NRP1: variants seen among roughly 807,000 people sequenced by gnomAD.
NRP1 encodes neuropilin-1.
NRP1 carries 35 observed loss-of-function variants against 106.7 expected under a neutral mutation model. That is an observed-to-expected ratio of 0.33 (90% CI 0.25 to 0.43). The LOEUF is 0.43. NRP1 is among the 20% of genes least tolerant of loss of function. NRP1 has a pLI of 1.00. For synonymous variants in NRP1, 437 were observed against 417.9 expected, an observed-to-expected ratio of 1.05 and a Z score of -0.56; for missense variants, 1,024 against 1,170.4, an observed-to-expected ratio of 0.87 and a Z score of 1.83.
At chr10:33,246,403 C>T (rs1841427678) in intron 6 of NRP1, among the ~76,000 whole-genome samples, 2 of 152,158 alleles carry the variant, frequency 1.3e-5, no homozygotes, top group Admixed American at 1.3e-4. Flanking sequence ...TCATAGGTAA[C>T]AGACCTCTGC....
At chr10:33,194,619 T>C (rs1836645861) in intron 12 of NRP1, 4 of 447,338 alleles carry the variant, frequency 8.9e-6, no homozygotes, top group Non-Finnish European at 1.9e-5. Flanking sequence ...TTTAACCAGG[T>C]GAACCGCTCT....
intron 2 of NRP1, among the ~76,000 whole-genome samples, chr10:33,275,313 A>T (rs1193047420): frequency 1.3e-5 from 2 of 152,266 alleles, no homozygotes; most frequent in Non-Finnish European, 1.5e-5. Flanking sequence ...TCATGCCTGT[A>T]ATCCCAGCAC....
At chr10:33,301,800 G>A (rs755210925) in intron 2 of NRP1, among the ~76,000 whole-genome samples, 4 of 152,126 alleles carry the variant, frequency 2.6e-5, no homozygotes, top group South Asian at 4.1e-4. Flanking sequence ...CTTTTTGAGC[G>A]ATTCGTTTTT....
At chr10:33,320,177 G>C (rs1463032824) in intron 2 of NRP1, among the ~76,000 whole-genome samples, 2 of 152,006 alleles carry the variant, frequency 1.3e-5, no homozygotes, top group Non-Finnish European at 2.9e-5. Flanking sequence ...GCTGGGCGTG[G>C]TGGCGTGTGC....
intron 15 of NRP1, among the ~76,000 whole-genome samples, chr10:33,183,057 A>G (rs1835784755): frequency 6.6e-6 from 1 of 152,174 alleles, no homozygotes. Flanking sequence ...TGGGCTGGGT[A>G]TGCTGGCTCG....
chr10:33,316,872 G>A (rs976575367), intron 2 of NRP1, among the ~76,000 whole-genome samples: 3 of 152,212 alleles, frequency 2.0e-5, no homozygotes, highest in Non-Finnish European at 4.4e-5. Context: ...TTACGCTGAA[G>A]TTATGCTGTC....
chr10:33,184,763 G>T (rs2132587682), intron 15 of NRP1, among the ~76,000 whole-genome samples: 1 of 151,874 alleles, frequency 6.6e-6, no homozygotes, highest in South Asian at 2.1e-4. Context: ...GCCGCTTTAG[G>T]GATTATATAT....
intron 7 of NRP1, among the ~76,000 whole-genome samples, chr10:33,223,041 C>T (rs989241322): frequency 1.3e-5 from 2 of 152,284 alleles, no homozygotes; most frequent in East Asian, 1.9e-4. Flanking sequence ...GGGAACAGCC[C>T]GTGGGATGGT....
chr10:33,260,570 C>T (rs1029985879), intron 4 of NRP1, among the ~76,000 whole-genome samples: 1 of 152,174 alleles, frequency 6.6e-6, no homozygotes, highest in African/African-American at 2.4e-5. Context: ...GCCCCATCAT[C>T]CAGCACCAAC....
chr10:33,263,058 G>A lies in NRP1; in HGVS notation c.658+588C>T, dbSNP rs142515754. Reference sequence around the variant, plus strand: ...GGTCAATGACTATAAATGATGTATTGAGGTGACTCAAATTCCCTAAGATGA... The same window carrying A: ...GGTCAATGACTATAAATGATGTATTAAGGTGACTCAAATTCCCTAAGATGA... On this transcript the variant is annotated intron_variant, in intron 4 of 16. Coordinates refer to ENST00000374867, the MANE Select transcript of NRP1 (RefSeq NM_003873.7). 4.3e-3 allele frequency among the ~76,000 whole-genome samples: 658 copies of A among 152,278 alleles called. 4 individuals carry two copies. Among genetic ancestry groups the A allele is most frequent in the Non-Finnish European group, 7.8e-3 (530 of 68,018 alleles).
chr10:33,313,662 T>C (rs1478790248), intron 2 of NRP1, among the ~76,000 whole-genome samples: 1 of 152,102 alleles, frequency 6.6e-6, no homozygotes, highest in Non-Finnish European at 1.5e-5. Flanking sequence ...GCCCAGAAAG[T>C]CTCAATACTT....
intron 6 of NRP1, among the ~76,000 whole-genome samples, chr10:33,232,712 A>G (rs1840252007): frequency 7.4e-6 from 1 of 134,694 alleles, no homozygotes; most frequent in Non-Finnish European, 1.5e-5. Context: ...GCGAGATCTC[A>G]GCTAACTGCA....
intron 2 of NRP1, among the ~76,000 whole-genome samples, chr10:33,319,226 T>A (rs893184036): frequency 1.3e-5 from 2 of 151,884 alleles, no homozygotes; most frequent in African/African-American, 2.4e-5. Context: ...CAGGATGGTC[T>A]TTATCTCCTG....
Position 33,199,367 on chromosome 10 carries a change from C to CTATATATA in NRP1, c.1865-1666_1865-1659dup, listed in dbSNP as rs1413431395. Among the ~76,000 whole-genome samples, 97 of 54,284 alleles carry CTATATATA rather than the reference C, an allele frequency of 1.8e-3. 16 individuals are homozygous for CTATATATA. The East Asian group carries it at 0.031, about 17-fold the overall frequency. 35.6% of individuals were successfully genotyped at this position (54,284 alleles called of 152,430 possible). ...GTGCGCCACCATGCCTGGCTGTTTT[C>CTATATATA]TATATATATATATATATATATATTT... On this transcript the variant is annotated intron_variant, in intron 11 of 16. Transcript: ENST00000374867.
chr10:33,254,928 C>T (rs1842099467), intron 5 of NRP1, among the ~76,000 whole-genome samples: 1 of 152,178 alleles, frequency 6.6e-6, no homozygotes, highest in Non-Finnish European at 1.5e-5. Flanking sequence ...GAGGGGCCTT[C>T]AGCAGGGACG....
At chr10:33,228,163 T>C (rs1265038131) in intron 6 of NRP1, among the ~76,000 whole-genome samples, 1 of 152,072 alleles carries the variant, frequency 6.6e-6, no homozygotes, top group African/African-American at 2.4e-5. Flanking sequence ...CACAAATATA[T>C]GGCAAATATT....
rs71030049 is a variant in NRP1 at position 33,232,638 on chromosome 10, C to CTTTTTT, written c.982-6355_982-6350dup. 8.2e-4 allele frequency among the ~76,000 whole-genome samples: 77 copies of CTTTTTT among 94,176 alleles called. 1 individual carries two copies. The highest frequency in any genetic ancestry group is 9.3e-4 in the Non-Finnish European group (47 of 50,454). 61.8% of individuals were successfully genotyped at this position (94,176 alleles called of 152,430 possible). ...TAGTGGCCGCTTTCTTTTTCTTTTC[C>CTTTTTT]TTTTTTTTTTTTTTTTTTTTTTTGA... On this transcript the variant is annotated intron_variant, in intron 6 of 16. Coordinates refer to ENST00000374867, the MANE Select transcript of NRP1 (RefSeq NM_003873.7).
At chr10:33,221,010 A>G (rs1839204270) in intron 8 of NRP1, among the ~76,000 whole-genome samples, 1 of 151,914 alleles carries the variant, frequency 6.6e-6, no homozygotes, top group African/African-American at 2.4e-5. Flanking sequence ...GTGGGAGGAT[A>G]GCTTGAGTCC....
chr10:33,216,311 G>T (rs1405907639), intron 8 of NRP1, among the ~76,000 whole-genome samples: 1 of 151,454 alleles, frequency 6.6e-6, no homozygotes, highest in Admixed American at 6.6e-5. Context: ...CTTATTTTTT[G>T]TATTTTTAGT....
Sources: gnomAD v4.1 joint callset for allele counts (sites outside exome capture counted in the v4.1 genomes callset) on GRCh38, gnomAD v4.1.1 for gene constraint, MANE v1.5 for transcripts, NCBI Gene and HGNC (gene_info 2026-07-23, HGNC 2026-07-21) for gene names.